Variants in ZNF573 observed in about 807,000 individuals in gnomAD.
ZNF573 encodes the protein zinc finger protein 573.
Under a neutral mutation model 57.4 loss-of-function variants are expected in ZNF573, and 41 were observed. That is an observed-to-expected ratio of 0.71 (90% CI 0.56 to 0.93). The LOEUF is 0.93. Among genes scored for constraint, ZNF573 ranks in the 40% least tolerant of loss-of-function variants. The pLI is 0.00. For synonymous variants in ZNF573, 249 were observed against 261.0 expected (o/e 0.95, Z 0.44); for missense variants, 730 against 794.8 (o/e 0.92, Z 0.98).
rs2045303603 is a variant in ZNF573 at position 37,739,603 on chromosome 19, T to A, written c.887A>T (p.His296Leu). The change falls in exon 5 of 5, where the codon CAT becomes CTT. Residue 296 changes from histidine (H) to leucine (L), a missense_variant. Coordinates refer to ENST00000536220, the MANE Select transcript of ZNF573 (RefSeq NM_001172690.2). ...RSNLVEHGQF[H>L]TDEKPYICEK... is the part of the protein sequence containing the mutation. ...ACATATGTATGGCTTCTCATCAGTA[T>A]GAAACTGCCCATGTTCAACAAGATT... 3 of 1,613,994 alleles carry A rather than the reference T, an allele frequency of 1.9e-6. No individual in the cohort carries two copies. The highest frequency in any genetic ancestry group is 2.5e-6 in the Non-Finnish European group (3 of 1,180,018).
intron 4 of ZNF573, among the ~76,000 whole-genome samples, chr19:37,763,880 A>G (rs2145316355): frequency 6.6e-6 from 1 of 152,208 alleles, no homozygotes; most frequent in African/African-American, 2.4e-5. Context: ...CCTGACCAAC[A>G]TGGAGAAACC....
In ZNF573 at chr19:37,758,199, T is replaced by TAAAAAAA. The variant is rs1224494420; in HGVS notation, c.295+11805_295+11806insTTTTTTT. Among the ~76,000 whole-genome samples, 17 of 11,876 alleles carry TAAAAAAA rather than the reference T, an allele frequency of 1.4e-3. 1 individual carries two copies. Among genetic ancestry groups the TAAAAAAA allele is most frequent in the South Asian group, 6.8e-3 (2 of 292 alleles). The allele number at this position is 11,876 out of a possible 152,430, so 7.8% of individuals were successfully genotyped here. On this transcript the variant is annotated intron_variant, in intron 4 of 4. Transcript: ENST00000536220. ...ATGTACCCTAGAACTTAAAGTATAA[T>TAAAAAAA]AAAATATATATATATATATATATAT... is the stretch of plus-strand genomic sequence containing the variant.
At chr19:37,753,404 T>C (rs1599691576) in intron 4 of ZNF573, among the ~76,000 whole-genome samples, 2 of 152,130 alleles carry the variant, frequency 1.3e-5, no homozygotes, top group Admixed American at 6.6e-5. Context: ...TTTTAAAATA[T>C]ACAATTAAAT....
In ZNF573 at chr19:37,765,602, C is replaced by T. The variant is rs996346833; in HGVS notation, c.295+4403G>A. The stretch of plus-strand genomic sequence containing the variant: ...GCACGTGCCTGTAATCCCAGCTACT[C>T]GGGAGGCTGAAGCAGGAGAATCGCT... On this transcript the variant is annotated intron_variant, in intron 4 of 4. Coordinates refer to ENST00000536220, the MANE Select transcript of ZNF573 (RefSeq NM_001172690.2). Among the ~76,000 whole-genome samples, 8 of 152,094 alleles carry T rather than the reference C, an allele frequency of 5.3e-5. No homozygotes were observed. The East Asian group carries it at 1.4e-3, about 26-fold the overall frequency.
At chr19:37,751,938 A>G (rs977568429) in intron 4 of ZNF573, among the ~76,000 whole-genome samples, 2 of 83,558 alleles carry the variant, frequency 2.4e-5, no homozygotes, top group African/African-American at 7.6e-5. Context: ...CCGTATATAT[A>G]CTGTATATAG....
Position 37,738,599 on chromosome 19 carries a change from TTC to T in ZNF573, c.1889_1890del (p.Arg630AsnfsTer5). On this transcript the variant is annotated frameshift_variant, in exon 5 of 5. Transcript: ENST00000536220. LOFTEE classifies it high-confidence loss of function. ...ACATAGGGTTTCTCACCAGTATGAA[TTC>T]TCTCATGTTGAACAAGGTTTGAAGC... ...SRASNLVQHE[R>X]IHTGEKPYVC... is the part of the protein sequence containing the mutation. 6.2e-7 allele frequency: 1 copy of T among 1,610,998 alleles called. No individual in the cohort carries two copies. The highest frequency in any genetic ancestry group is 8.5e-7 in the Non-Finnish European group (1 of 1,178,622).
intron 4 of ZNF573, among the ~76,000 whole-genome samples, chr19:37,766,119 A>T (rs1206984273): frequency 6.6e-6 from 1 of 152,246 alleles, no homozygotes; most frequent in Non-Finnish European, 1.5e-5. Flanking sequence ...ACCAAATAGT[A>T]GGTGATGTAA....
chr19:37,769,949 T>C, intron 4 of ZNF573, 56 bp downstream of exon 4: 2 of 1,457,938 alleles, frequency 1.4e-6, no homozygotes, highest in Non-Finnish European at 9.4e-7. Flanking sequence ...AAATGTCTCC[T>C]TTCTCTTACC....
intron 2 of ZNF573, chr19:37,772,962 C>T (rs2045673241): frequency 1.0e-6 from 1 of 985,286 alleles, no homozygotes; most frequent in Non-Finnish European, 1.2e-6. Flanking sequence ...TTGGACAGAA[C>T]TTCAAAGGTC....
intron 4 of ZNF573, among the ~76,000 whole-genome samples, chr19:37,761,555 C>T (rs1307606547): frequency 6.6e-6 from 1 of 152,144 alleles, no homozygotes; most frequent in Non-Finnish European, 1.5e-5. Context: ...TGGGTAAAAA[C>T]TGGCCATAAA....
intron 2 of ZNF573, 123 bp downstream of exon 2, chr19:37,773,538 T>A: frequency 1.5e-6 from 1 of 663,564 alleles, no homozygotes; most frequent in East Asian, 2.8e-5. Flanking sequence ...ATTCACAATA[T>A]TAGAAGAAAG....
At chr19:37,741,051 C>A (rs1481402080) in intron 4 of ZNF573, among the ~76,000 whole-genome samples, 1 of 152,166 alleles carries the variant, frequency 6.6e-6, no homozygotes, top group Non-Finnish European at 1.5e-5. Flanking sequence ...CCCATAGATA[C>A]AAAGGGCCAA....
At chr19:37,748,313 G>A (rs1466916439) in intron 4 of ZNF573, among the ~76,000 whole-genome samples, 1 of 152,176 alleles carries the variant, frequency 6.6e-6, no homozygotes, top group Non-Finnish European at 1.5e-5. Flanking sequence ...AAGTGGGAGA[G>A]ATGTATACAG....
chr19:37,756,551 T>C (rs2045489939), intron 4 of ZNF573, among the ~76,000 whole-genome samples: 2 of 152,140 alleles, frequency 1.3e-5, no homozygotes, highest in Non-Finnish European at 1.5e-5. Flanking sequence ...ATCTTTAATA[T>C]TACTAATATT....
At chr19:37,741,537 G>A (rs1044968870) in intron 4 of ZNF573, among the ~76,000 whole-genome samples, 2 of 151,946 alleles carry the variant, frequency 1.3e-5, no homozygotes, top group African/African-American at 2.4e-5. Context: ...TACGCAAATC[G>A]ATAAACATAA....
At chr19:37,760,985 G>A (rs2045546923) in intron 4 of ZNF573, among the ~76,000 whole-genome samples, 1 of 152,112 alleles carries the variant, frequency 6.6e-6, no homozygotes, top group Non-Finnish European at 1.5e-5. Context: ...ATGACCTGAG[G>A]TCAGGGGCTC....
intron 4 of ZNF573, chr19:37,759,076 G>T: frequency 2.0e-6 from 1 of 502,412 alleles, no homozygotes; most frequent in Non-Finnish European, 2.6e-6. Context: ...GGAAGCCAAT[G>T]CAGGAGGACT....
chr19:37,748,853 G>A lies in ZNF573; in HGVS notation c.296-8659C>T, dbSNP rs372950430. ...GAGGCAGGAGAATCGCTTGAACCCA[G>A]GAGGCAGAGGTTGCAGTGAGCCGAG... On this transcript the variant is annotated intron_variant, in intron 4 of 4. Coordinates refer to ENST00000536220, the MANE Select transcript of ZNF573 (RefSeq NM_001172690.2). Among the ~76,000 whole-genome samples, 19 of 148,640 alleles carry A rather than the reference G, an allele frequency of 1.3e-4. No individual in the cohort carries two copies. The East Asian group carries it at 1.8e-3, about 14-fold the overall frequency.
intron 4 of ZNF573, among the ~76,000 whole-genome samples, chr19:37,748,473 C>T (rs1225346931): frequency 6.7e-6 from 1 of 149,178 alleles, no homozygotes; most frequent in Non-Finnish European, 1.5e-5. Context: ...TCATTACGCA[C>T]TACTTCTGCA....
Sources: gnomAD v4.1 joint callset for allele counts (sites outside exome capture counted in the v4.1 genomes callset) on GRCh38, gnomAD v4.1.1 for gene constraint, MANE v1.5 for transcripts, NCBI Gene and HGNC (gene_info 2026-07-23, HGNC 2026-07-21) for gene names.